Variants in DACH2 observed in about 807,000 individuals in gnomAD.
DACH2 encodes dachshund homolog 2.
A neutral mutation model predicts 35.8 loss-of-function variants in DACH2; 17 were observed. The ratio of observed to expected loss-of-function variants is 0.48; its 90% CI spans 0.33 to 0.71. The LOEUF is 0.71. DACH2 is among the 30% of genes least tolerant of loss of function. The probability of loss-of-function intolerance (pLI) is 0.02; values close to 1 mark genes in which losing one functional copy is unlikely to be tolerated. For synonymous variants in DACH2, 195 were observed against 177.3 expected, an observed-to-expected ratio of 1.10 and a Z score of -0.79; for missense variants, 469 against 472.7, an observed-to-expected ratio of 0.99 and a Z score of 0.07.
At chrX:86,736,491 ATATGT>A (rs1452362881) in intron 6 of DACH2, among the ~76,000 whole-genome samples, 1 of 111,896 alleles carries the variant, frequency 8.9e-6, no homozygotes, top group Non-Finnish European at 1.9e-5. Flanking sequence ...CTAATTTTAA[ATATGT>A]TAGGGGAATC....
intron 1 of DACH2, among the ~76,000 whole-genome samples, chrX:86,364,517 T>C (rs2148086074): frequency 9.0e-6 from 1 of 111,192 alleles, no homozygotes; most frequent in Admixed American, 9.7e-5. Context: ...GTTAACACTT[T>C]ATACAACGTG....
At chrX:86,461,094 C>T (rs2037564553) in intron 2 of DACH2, among the ~76,000 whole-genome samples, 1 of 111,177 alleles carries the variant, frequency 9.0e-6, no homozygotes, top group Non-Finnish European at 1.9e-5. Flanking sequence ...AATGGCCTCA[C>T]ACTGTACCTA....
chrX:86,340,695 A>G (rs769230810), intron 1 of DACH2, among the ~76,000 whole-genome samples: 1 of 112,207 alleles, frequency 8.9e-6, no homozygotes, highest in Admixed American at 9.5e-5. Flanking sequence ...CCTCTTACAA[A>G]AAACAGTTTG....
At chrX:86,508,077 G>A (rs1467407820) in intron 2 of DACH2, among the ~76,000 whole-genome samples, 1 of 111,405 alleles carries the variant, frequency 9.0e-6, no homozygotes, top group Non-Finnish European at 1.9e-5. Context: ...GGAAGAATAC[G>A]CAGAATGTAA....
chrX:86,283,869 T>TACACACACAC (rs780423253), intron 1 of DACH2, among the ~76,000 whole-genome samples: 28 of 55,021 alleles, frequency 5.1e-4, no homozygotes, highest in South Asian at 5.0e-3. Context: ...ACTTAAAGTA[T>TACACACACAC]ATACACACAC....
At chrX:86,370,143 C>T (rs141843254) in intron 1 of DACH2, among the ~76,000 whole-genome samples, 1,767 of 110,797 alleles carry the variant, frequency 0.016, 30 homozygotes, top group African/African-American at 0.055. Flanking sequence ...GAAAAGTAGA[C>T]CTAAAACAAG....
At chrX:86,469,571 C>A (rs1189614302) in intron 2 of DACH2, among the ~76,000 whole-genome samples, 1 of 110,936 alleles carries the variant, frequency 9.0e-6, no homozygotes, top group Non-Finnish European at 1.9e-5. Context: ...ATCTAGTCCA[C>A]ACGGTTTACA....
At chrX:86,181,097 A>G (rs2031473363) in intron 1 of DACH2, among the ~76,000 whole-genome samples, 3 of 110,752 alleles carry the variant, frequency 2.7e-5, no homozygotes, top group African/African-American at 9.9e-5. Flanking sequence ...ATGTCATATG[A>G]TTAAAAAAAC....
chrX:86,688,047 A>G (rs5922271), intron 4 of DACH2, among the ~76,000 whole-genome samples: 20,786 of 110,800 alleles, frequency 0.19, 1,581 homozygotes, highest in East Asian at 0.47. Context: ...ATAATAAAAA[A>G]AAAGAAAGAA....
chrX:86,347,958 G>A (rs2035525259), intron 1 of DACH2, among the ~76,000 whole-genome samples: 1 of 111,819 alleles, frequency 8.9e-6, no homozygotes, highest in South Asian at 3.7e-4. Context: ...CAGTTGTTAA[G>A]TATTGATACT....
intron 4 of DACH2, among the ~76,000 whole-genome samples, chrX:86,686,670 G>A (rs766547513): frequency 9.0e-6 from 1 of 111,699 alleles, no homozygotes; most frequent in African/African-American, 3.2e-5. Context: ...ATAATATCTG[G>A]CAAAACCCCA....
intron 1 of DACH2, chrX:86,160,805 G>T (rs1219151665): frequency 8.4e-6 from 4 of 475,282 alleles, no homozygotes; most frequent in South Asian, 3.3e-5. Context: ...TTGTAACATC[G>T]ACTGCAGCAA....
At chrX:86,681,473 G>A (rs993462139) in intron 4 of DACH2, among the ~76,000 whole-genome samples, 1 of 108,403 alleles carries the variant, frequency 9.2e-6, no homozygotes, top group Non-Finnish European at 1.9e-5. Flanking sequence ...CTAGCTATTC[G>A]GGAGGCTGAG....
chrX:86,424,537 C>A (rs1231517863), intron 2 of DACH2, among the ~76,000 whole-genome samples: 1 of 111,193 alleles, frequency 9.0e-6, no homozygotes, highest in Non-Finnish European at 1.9e-5. Context: ...CTGTATCCTG[C>A]CAACTTACTG....
At chrX:86,627,897 ACTTTC>A (rs2040156097) in intron 3 of DACH2, among the ~76,000 whole-genome samples, 1 of 112,355 alleles carries the variant, frequency 8.9e-6, no homozygotes, top group African/African-American at 3.2e-5. Context: ...AAAGGCAAAC[ACTTTC>A]AGTGTTTGAG....
intron 3 of DACH2, among the ~76,000 whole-genome samples, chrX:86,552,644 G>A (rs2039065784): frequency 8.9e-6 from 1 of 112,141 alleles, no homozygotes; most frequent in Non-Finnish European, 1.9e-5. Context: ...AGCTGCACAT[G>A]TAGTCAAGTG....
At chrX:86,685,885 C>T (rs2040937210) in intron 4 of DACH2, among the ~76,000 whole-genome samples, 1 of 111,548 alleles carries the variant, frequency 9.0e-6, no homozygotes, top group African/African-American at 3.3e-5. Context: ...GCCCCACCTC[C>T]AGCATTCGAA....
At chrX:86,537,112 T>C (rs1415355185) in intron 3 of DACH2, among the ~76,000 whole-genome samples, 1 of 111,527 alleles carries the variant, frequency 9.0e-6, no homozygotes, top group African/African-American at 3.3e-5. Flanking sequence ...CCTTGCATTC[T>C]GTGTAATTGC....
At chrX:86,725,499 G>T (rs2041456713) in intron 6 of DACH2, among the ~76,000 whole-genome samples, 1 of 111,359 alleles carries the variant, frequency 9.0e-6, no homozygotes, top group Non-Finnish European at 1.9e-5. Flanking sequence ...TTTTGCTGGG[G>T]ACTGGGATGC....
Sources: allele counts gnomAD v4.1 joint callset (sites outside exome capture counted in the v4.1 genomes callset), GRCh38; gene constraint gnomAD v4.1.1; transcripts MANE v1.5; gene names NCBI Gene and HGNC (gene_info 2026-07-23, HGNC 2026-07-21).